Variants in PNPT1 observed in about 807,000 individuals in gnomAD.
PNPT1 encodes polyribonucleotide nucleotidyltransferase 1.
A neutral mutation model predicts 119.5 loss-of-function variants in PNPT1; 53 were observed. The observed-to-expected ratio is 0.44, with a 90% CI of 0.36 to 0.56. The LOEUF (loss-of-function observed/expected upper bound fraction) is 0.56. Ranked by LOEUF, PNPT1 falls within the 20% of genes least tolerant of loss-of-function variation. The pLI is 0.00. For missense variants in PNPT1, 948 were observed against 938.5 expected, an observed-to-expected ratio of 1.01 and a Z score of -0.13; for synonymous variants, 357 against 322.1, an observed-to-expected ratio of 1.11 and a Z score of -1.16.
At chr2:55,687,600 C>G in intron 2 of PNPT1, 45 bp downstream of exon 2, 1 of 1,440,808 alleles carries the variant, frequency 6.9e-7, no homozygotes, top group Non-Finnish European at 9.5e-7. Flanking sequence ...GTATGAGTCT[C>G]CGTAACCATT....
chr2:55,682,786 G>A (rs1035545626), intron 5 of PNPT1, among the ~76,000 whole-genome samples: 6 of 152,062 alleles, frequency 3.9e-5, no homozygotes, highest in African/African-American at 1.2e-4. Context: ...GTTTGTGCCT[G>A]TAGTCCCAGC....
At chr2:55,652,539 CAG>C (rs1696243898) in intron 18 of PNPT1, among the ~76,000 whole-genome samples, 1 of 152,146 alleles carries the variant, frequency 6.6e-6, no homozygotes, top group Admixed American at 6.5e-5. Context: ...TTGAAAGAGA[CAG>C]GGCTGAAATA....
rs1696932574 is a variant in PNPT1, at chr2:55,672,031, T to C, written c.882A>G (p.Arg294=). 1.2e-6 allele frequency: 2 copies of C among 1,601,090 alleles called. No individual in the cohort carries two copies. The highest frequency in any genetic ancestry group is 1.3e-5 in the African/African-American group (1 of 74,304). The change falls in exon 10 of 28, where the codon AGA becomes AGG. Residue 294 remains arginine (R), a synonymous_variant. Coordinates refer to ENST00000447944, the MANE Select transcript of PNPT1 (RefSeq NM_033109.5). Reference sequence around the variant, plus strand: ...CGTAATCTGTAAAAACTGCATAGAGTCTCTCCATAGCAAGTCTATTTAAGC... The same window carrying C: ...CGTAATCTGTAAAAACTGCATAGAGCCTCTCCATAGCAAGTCTATTTAAGC... ...VKYTHKLAME[R]LYAVFTDYEH... is the part of the protein sequence containing the mutation.
chr2:55,637,508 A>G, intron 27 of PNPT1, 44 bp downstream of exon 27: 2 of 1,526,552 alleles, frequency 1.3e-6, no homozygotes, highest in Non-Finnish European at 1.8e-6. Flanking sequence ...GGAAGCTTCA[A>G]GAACAATTTA....
intron 27 of PNPT1, 79 bp from the exon 28 acceptor site, chr2:55,636,471 A>C: frequency 7.0e-7 from 1 of 1,430,618 alleles, no homozygotes. Context: ...TTAAATTTAC[A>C]TGGTCCAAAT....
Position 55,661,959 on chromosome 2 carries a change from A to C in PNPT1, c.1244T>G (p.Ile415Arg). 1 of 1,565,564 alleles carries C rather than the reference A, an allele frequency of 6.4e-7. No individual in the cohort carries two copies. Among genetic ancestry groups the C allele is most frequent in the South Asian group, 1.2e-5 (1 of 81,266 alleles). ...ACATCTTAAAAACATAACTTACTTT[A>C]TAGCTGTTATAACTTGATCTGACTT... ...GIKSDQVITA[I>R]NGIKDKNFML... is the part of the protein sequence containing the mutation. Residue 415 changes from isoleucine to arginine, a missense_variant, in exon 14 of 28, where the codon ATA (isoleucine) becomes AGA (arginine). Transcript: ENST00000447944.
At chr2:55,693,578 G>T (rs1697690853) in intron 1 of PNPT1, 85 bp downstream of exon 1, 2 of 1,552,438 alleles carry the variant, frequency 1.3e-6, no homozygotes, top group African/African-American at 1.4e-5. Context: ...TGGGATACCG[G>T]GTTTCTACCC....
intron 18 of PNPT1, among the ~76,000 whole-genome samples, chr2:55,650,961 C>G (rs1411404223): frequency 1.4e-4 from 20 of 147,420 alleles, no homozygotes; most frequent in Admixed American, 6.7e-4. Flanking sequence ...ATCAGCCCCC[C>G]GCCCGGCCAG....
intron 12 of PNPT1, among the ~76,000 whole-genome samples, chr2:55,667,422 G>A (rs1342814791): frequency 6.6e-6 from 1 of 151,924 alleles, no homozygotes; most frequent in Non-Finnish European, 1.5e-5. Flanking sequence ...GTGAAACCCC[G>A]TCTCTACTAA....
intron 5 of PNPT1, 148 bp downstream of exon 5, chr2:55,683,635 CTA>C (rs1697313187): frequency 2.2e-6 from 1 of 454,506 alleles, no homozygotes; most frequent in African/African-American, 2.3e-5. Context: ...AAAAAAAGTA[CTA>C]TCTTTTTTCA....
rs1276737319 is a variant in PNPT1, at chr2:55,636,290, T to C, written c.2299A>G (p.Ser767Gly). The stretch of plus-strand genomic sequence containing the variant: ...ATAGGTTCTCCCATTACAATACTAC[T>C]TCTGTCATTCAAAGTTCTGACCACG... ...TTVVRTLNDRSSIVMGEPISQ... is the reference protein window; with the variant it reads ...TTVVRTLNDRGSIVMGEPISQ... The change falls in exon 28 of 28, where the codon AGT (serine) becomes GGT (glycine). Residue 767 changes from serine (S) to glycine (G), a missense_variant. Physicochemically the swap from Ser to Gly is moderately conservative, Grantham distance 56. Transcript: ENST00000447944. 4 of 1,613,782 alleles carry C rather than the reference T, an allele frequency of 2.5e-6. No homozygotes were observed. Among genetic ancestry groups the C allele is most frequent in the Non-Finnish European group, 1.7e-6 (2 of 1,179,808 alleles).
At chr2:55,636,456 G>C in intron 27 of PNPT1, 64 bp from the exon 28 acceptor site, 1 of 1,517,700 alleles carries the variant, frequency 6.6e-7, no homozygotes, top group Non-Finnish European at 9.0e-7. Context: ...TAAACTAATA[G>C]ACATTTAAAT....
chr2:55,678,607 C>T (rs983078463), intron 8 of PNPT1, among the ~76,000 whole-genome samples: 1 of 152,044 alleles, frequency 6.6e-6, no homozygotes, highest in Non-Finnish European at 1.5e-5. Context: ...AGCATGAAGA[C>T]GAGGCCACAT....
chr2:55,670,605 G>C (rs1352723492), intron 11 of PNPT1, among the ~76,000 whole-genome samples: 1 of 152,156 alleles, frequency 6.6e-6, no homozygotes, highest in Non-Finnish European at 1.5e-5. Flanking sequence ...AACATTTATT[G>C]AACACTTACG....
intron 1 of PNPT1, among the ~76,000 whole-genome samples, chr2:55,692,799 T>G (rs1697658239): frequency 6.6e-6 from 1 of 152,162 alleles, no homozygotes; most frequent in African/African-American, 2.4e-5. Flanking sequence ...GGCAATCAAT[T>G]AGATTGGATG....
At chr2:55,688,372 C>A (rs1697485778) in intron 1 of PNPT1, among the ~76,000 whole-genome samples, 2 of 152,088 alleles carry the variant, frequency 1.3e-5, no homozygotes, top group Non-Finnish European at 2.9e-5. Flanking sequence ...CTCTTATCAT[C>A]TCTCACCTTG....
intron 8 of PNPT1, among the ~76,000 whole-genome samples, chr2:55,678,865 G>C (rs1697162118): frequency 6.6e-6 from 1 of 152,168 alleles, no homozygotes; most frequent in Non-Finnish European, 1.5e-5. Context: ...GAAGAAGCTG[G>C]AAATGAGATG....
intron 13 of PNPT1, among the ~76,000 whole-genome samples, chr2:55,663,616 G>GA (rs1017511226): frequency 6.6e-6 from 1 of 151,926 alleles, no homozygotes; most frequent in African/African-American, 2.4e-5. Context: ...GCACCCACAT[G>GA]AAAAAAATAA....
chr2:55,674,097 A>G (rs1039039237), intron 8 of PNPT1, among the ~76,000 whole-genome samples: 5 of 152,242 alleles, frequency 3.3e-5, no homozygotes, highest in South Asian at 4.1e-4. Context: ...TTAACAATTA[A>G]TTCTCACATT....
Sources: allele counts gnomAD v4.1 joint callset (sites outside exome capture counted in the v4.1 genomes callset), GRCh38; gene constraint gnomAD v4.1.1; transcripts MANE v1.5; gene names NCBI Gene and HGNC (gene_info 2026-07-23, HGNC 2026-07-21).